The following ZNF148 variants were observed in gnomAD, a reference collection of about 807,000 sequenced individuals.
ZNF148 encodes the protein zinc finger protein 148.
ZNF148 carries 7 observed loss-of-function variants against 67.7 expected under a neutral mutation model. The ratio of observed to expected loss-of-function variants is 0.10; its 90% confidence interval spans 0.06 to 0.19. The LOEUF is 0.19. ZNF148 is among the 10% of genes least tolerant of loss of function. The pLI, the probability that ZNF148 is intolerant of heterozygous loss-of-function variation, is 1.00. For synonymous variants in ZNF148, 333 were observed against 330.7 expected (o/e 1.01, Z -0.08); for missense variants, 583 against 947.1 (o/e 0.62, Z 5.05).
intron 1 of ZNF148, among the ~76,000 whole-genome samples, chr3:125,356,030 C>G (rs1942330352): frequency 6.6e-6 from 1 of 152,128 alleles, no homozygotes; most frequent in Admixed American, 6.5e-5. Flanking sequence ...ACTGAGAACA[C>G]TCGCATGAAA....
At chr3:125,290,806 T>C (rs1477146663) in intron 4 of ZNF148, among the ~76,000 whole-genome samples, 3 of 152,100 alleles carry the variant, frequency 2.0e-5, no homozygotes, top group Non-Finnish European at 4.4e-5. Flanking sequence ...TGTCATACTC[T>C]AACTGAACAG....
intron 7 of ZNF148, among the ~76,000 whole-genome samples, chr3:125,235,212 C>T (rs1936031481): frequency 6.6e-6 from 1 of 152,110 alleles, no homozygotes; most frequent in African/African-American, 2.4e-5. Context: ...TATCCAAACC[C>T]CTTGTTGTAG....
At chr3:125,273,499 C>CTTTTT (rs397690643) in intron 7 of ZNF148, among the ~76,000 whole-genome samples, 1 of 142,380 alleles carries the variant, frequency 7.0e-6, no homozygotes, top group Non-Finnish European at 1.5e-5. Flanking sequence ...GGAAGAGAAT[C>CTTTTT]TTTTTTTTTT....
At chr3:125,352,175 CAA>C (rs963625887) in intron 1 of ZNF148, among the ~76,000 whole-genome samples, 1 of 145,166 alleles carries the variant, frequency 6.9e-6, no homozygotes, top group African/African-American at 2.5e-5. Flanking sequence ...TGAATGAATA[CAA>C]AAAAAAGTGG....
chr3:125,307,464 G>A (rs1033138765), intron 4 of ZNF148, among the ~76,000 whole-genome samples: 6 of 151,964 alleles, frequency 3.9e-5, no homozygotes, highest in South Asian at 4.1e-4. Flanking sequence ...TACCACGCCC[G>A]GCTAATTTTT....
chr3:125,362,339 T>C (rs780435345), intron 1 of ZNF148, among the ~76,000 whole-genome samples: 2 of 152,210 alleles, frequency 1.3e-5, no homozygotes, highest in African/African-American at 2.4e-5. Context: ...CCTCCAGTTT[T>C]AGAATAAGAG....
At chr3:125,286,138 A>C (rs975803572) in intron 5 of ZNF148, among the ~76,000 whole-genome samples, 2 of 152,174 alleles carry the variant, frequency 1.3e-5, no homozygotes, top group Non-Finnish European at 2.9e-5. Flanking sequence ...AATTTTTTAC[A>C]TAAAACCTAG....
chr3:125,323,200 A>G lies in ZNF148; in HGVS notation c.-17+109T>C, dbSNP rs1940859824. On this transcript the variant is annotated intron_variant, in intron 3 of 8. Coordinates refer to ENST00000360647, the MANE Select transcript of ZNF148 (RefSeq NM_021964.3). ...TCCAAATATAAATACCAAAACTTTA[A>G]GAAACTATTATATAAATTCAGTATA... The G allele has an allele frequency of 1.0e-5, 4 of 401,750 alleles. No individual in the cohort carries two copies. In the Admixed American group the frequency reaches 1.7e-4, roughly 17 times the overall value. The allele number at this position is 401,750 out of a possible 1,614,324, so 24.9% of individuals were successfully genotyped here. A position where few individuals can be genotyped will look rare whatever the true frequency, so the allele number is the denominator to read the frequency against.
At chr3:125,335,357 C>G (rs572811146) in intron 1 of ZNF148, among the ~76,000 whole-genome samples, 1 of 152,226 alleles carries the variant, frequency 6.6e-6, no homozygotes, top group African/African-American at 2.4e-5. Context: ...TATGGAATCA[C>G]AGATAACAAA....
chr3:125,319,634 G>A (rs1475607881), intron 3 of ZNF148, among the ~76,000 whole-genome samples: 2 of 152,136 alleles, frequency 1.3e-5, no homozygotes, highest in Non-Finnish European at 1.5e-5. Context: ...AACCTGGAGA[G>A]GAAAGACAAC....
intron 2 of ZNF148, among the ~76,000 whole-genome samples, chr3:125,326,317 C>T (rs78727155): frequency 0.035 from 5,325 of 151,998 alleles, 141 homozygotes; most frequent in South Asian, 0.084. Flanking sequence ...GCAATGATCA[C>T]GACACTGTAC....
chr3:125,301,055 T>C lies in ZNF148; in HGVS notation c.333+12253A>G, dbSNP rs184658601. Among the ~76,000 whole-genome samples, 4 of 152,356 alleles carry C rather than the reference T, an allele frequency of 2.6e-5. No individual in the cohort carries two copies. In the East Asian group the frequency reaches 5.8e-4, roughly 22 times the overall value. On this transcript the variant is annotated intron_variant, in intron 4 of 8. Transcript: ENST00000360647. Reference sequence around the variant, plus strand: ...ATATTTTGAAATGATGAAAATATCCTTTATGCTATCCAATACAGAAGCCAT... The same window carrying C: ...ATATTTTGAAATGATGAAAATATCCCTTATGCTATCCAATACAGAAGCCAT...
chr3:125,330,607 T>A (rs1038941713), intron 2 of ZNF148, among the ~76,000 whole-genome samples: 1 of 151,982 alleles, frequency 6.6e-6, no homozygotes, highest in East Asian at 1.9e-4. Context: ...GCAAGAGGAC[T>A]ACTTGAGTTC....
At chr3:125,240,832 A>G (rs542480239) in intron 7 of ZNF148, among the ~76,000 whole-genome samples, 1 of 152,222 alleles carries the variant, frequency 6.6e-6, no homozygotes, top group African/African-American at 2.4e-5. Flanking sequence ...CTTAAAAGTA[A>G]TTTGTACAAA....
chr3:125,283,868 T>TA (rs1490540184), intron 5 of ZNF148, among the ~76,000 whole-genome samples: 3 of 152,170 alleles, frequency 2.0e-5, no homozygotes, highest in African/African-American at 7.2e-5. Context: ...CTCTATTATA[T>TA]AATCTATCTG....
intron 1 of ZNF148, among the ~76,000 whole-genome samples, chr3:125,331,758 T>C (rs945633285): frequency 1.3e-5 from 2 of 152,192 alleles, no homozygotes; most frequent in Non-Finnish European, 2.9e-5. Context: ...GCTAAAATGG[T>C]CCATCGATAT....
At chr3:125,333,996 AATAG>A (rs1184809419) in intron 1 of ZNF148, among the ~76,000 whole-genome samples, 1 of 152,240 alleles carries the variant, frequency 6.6e-6, no homozygotes, top group South Asian at 2.1e-4. Flanking sequence ...AGCAAATGTT[AATAG>A]ATACACAATA....
At chr3:125,279,338 C>T (rs1050194759) in intron 5 of ZNF148, 91 bp from the exon 6 acceptor site, 8 of 999,086 alleles carry the variant, frequency 8.0e-6, no homozygotes, top group East Asian at 5.6e-5. Context: ...ATGCAAACAA[C>T]GGTCACCACA....
At chr3:125,274,763 G>A (rs1222944394) in intron 7 of ZNF148, among the ~76,000 whole-genome samples, 1 of 152,162 alleles carries the variant, frequency 6.6e-6, no homozygotes, top group Non-Finnish European at 1.5e-5. Flanking sequence ...AAGGATGTAT[G>A]GAAAATGGAG....
Sources: allele counts gnomAD v4.1 joint callset (sites outside exome capture counted in the v4.1 genomes callset), GRCh38; gene constraint gnomAD v4.1.1; transcripts MANE v1.5; gene names NCBI Gene and HGNC (gene_info 2026-07-23, HGNC 2026-07-21).